RAP1GAP2: variants seen among roughly 807,000 people sequenced by gnomAD.
RAP1GAP2 encodes the protein RAP1 GTPase activating protein 2, also known as rap1 GTPase-activating protein 2.
RAP1GAP2 carries 27 observed loss-of-function variants against 95.0 expected under a neutral mutation model. The ratio of observed to expected loss-of-function variants is 0.28; its 90% CI spans 0.21 to 0.39. The LOEUF (loss-of-function observed/expected upper bound fraction) is 0.39. Among genes scored for constraint, RAP1GAP2 ranks in the 10% least tolerant of loss-of-function variants. The pLI, the probability that RAP1GAP2 is intolerant of heterozygous loss-of-function variation, is 1.00. For synonymous variants in RAP1GAP2, 373 were observed against 380.9 expected (o/e 0.98, Z 0.24); for missense variants, 771 against 970.0 (o/e 0.79, Z 2.72).
rs751685393 is a variant in RAP1GAP2, at chr17:2,957,793, A to G, written c.200A>G (p.Gln67Arg). 6.2e-7 allele frequency: 1 copy of G among 1,607,550 alleles called. No homozygotes were observed. Among genetic ancestry groups the G allele is most frequent in the South Asian group, 1.1e-5 (1 of 90,144 alleles). ...TTCTTTGAGATGCTGGAGAAAATGC[A>G]GGTGAGTACGTACCCCCACCGTGGC... Reference protein sequence around the residue: ...SEFFEMLEKMQGIKLEEQKPG... With the variant: ...SEFFEMLEKMRGIKLEEQKPG... The change falls in exon 4 of 25, where the codon CAG becomes CGG. Residue 67 changes from glutamine (Q) to arginine (R), a missense_variant and splice_region_variant. Physicochemically the swap from Gln to Arg is conservative, Grantham distance 43. Coordinates refer to ENST00000254695, the MANE Select transcript of RAP1GAP2 (RefSeq NM_015085.5).
chr17:2,761,990 T>TC (rs997618132), intron 1 of RAP1GAP2, among the ~76,000 whole-genome samples: 8 of 136,374 alleles, frequency 5.9e-5, no homozygotes, highest in Non-Finnish European at 1.3e-4. Flanking sequence ...TTTTTTTTTT[T>TC]TTTTTTTTTT....
At chr17:2,874,545 T>C (rs1050891216) in intron 2 of RAP1GAP2, among the ~76,000 whole-genome samples, 2 of 151,882 alleles carry the variant, frequency 1.3e-5, no homozygotes, top group Non-Finnish European at 2.9e-5. Flanking sequence ...TGCATAAGAA[T>C]GACGTGGAGA....
chr17:2,957,537 T>G (rs2044162207), intron 3 of RAP1GAP2, among the ~76,000 whole-genome samples: 2 of 152,208 alleles, frequency 1.3e-5, no homozygotes. Flanking sequence ...CACCATTCAT[T>G]TGCCAGCCCA....
rs959471916 is a variant in RAP1GAP2, at chr17:3,005,229, G to C, written c.1201-140G>C. On this transcript the variant is annotated intron_variant, in intron 14 of 24. Coordinates refer to ENST00000254695, the MANE Select transcript of RAP1GAP2 (RefSeq NM_015085.5). This position sits in a 1 kb window ranked among gnomAD's most constrained non-coding sequence, Gnocchi z 5.2. ...GAACAGGGTCAGGGCCTGTGCTGGC[G>C]ATGCTCACAGGAGTATTTTGTTTGT... 1.2e-6 allele frequency: 1 copy of C among 864,840 alleles called. No individual in the cohort carries two copies. The highest frequency in any genetic ancestry group is 1.4e-5 in the South Asian group (1 of 72,548). The allele number at this position is 864,840 out of a possible 1,614,324, so 53.6% of individuals were successfully genotyped here.
chr17:2,859,937 T>G (rs1379515443), intron 2 of RAP1GAP2, among the ~76,000 whole-genome samples: 4 of 152,100 alleles, frequency 2.6e-5, no homozygotes, highest in Non-Finnish European at 5.9e-5. Flanking sequence ...TTGTTTGTTT[T>G]TTTTTTTTGG....
chr17:2,926,144 A>T (rs1014589566), intron 3 of RAP1GAP2, among the ~76,000 whole-genome samples: 2 of 150,600 alleles, frequency 1.3e-5, no homozygotes, highest in East Asian at 3.9e-4. Flanking sequence ...AAAAAAAAAA[A>T]GGAACCTGGT....
At chr17:2,862,052 G>T (rs764355050) in intron 2 of RAP1GAP2, among the ~76,000 whole-genome samples, 3 of 152,134 alleles carry the variant, frequency 2.0e-5, no homozygotes, top group Non-Finnish European at 4.4e-5. Flanking sequence ...AAGAGATTTT[G>T]TAGAGAATTG....
At chr17:2,969,740 G>A (rs1329125970) in intron 8 of RAP1GAP2, among the ~76,000 whole-genome samples, 2 of 151,782 alleles carry the variant, frequency 1.3e-5, no homozygotes, top group African/African-American at 4.8e-5. Flanking sequence ...CTGACCTCAG[G>A]TGATCTGCCC....
chr17:3,014,603 G>A (rs915727905), intron 17 of RAP1GAP2, among the ~76,000 whole-genome samples: 11 of 147,972 alleles, frequency 7.4e-5, no homozygotes, highest in Admixed American at 2.1e-4. Context: ...AGGCTGGAGT[G>A]CAGTGGTGCG....
intron 2 of RAP1GAP2, among the ~76,000 whole-genome samples, chr17:2,826,161 T>TC (rs2070550793): frequency 6.8e-6 from 1 of 148,046 alleles, no homozygotes; most frequent in South Asian, 2.2e-4. Flanking sequence ...TTTTTTTTTT[T>TC]TTTTTTTGTA....
intron 1 of RAP1GAP2, among the ~76,000 whole-genome samples, chr17:2,782,207 C>T (rs1458947397): frequency 1.3e-5 from 2 of 152,154 alleles, no homozygotes; most frequent in Non-Finnish European, 2.9e-5. Flanking sequence ...GTTGCTTCTC[C>T]CCCTCTGGCT....
At chr17:2,822,181 A>G (rs879527428) in intron 2 of RAP1GAP2, among the ~76,000 whole-genome samples, 4 of 152,052 alleles carry the variant, frequency 2.6e-5, no homozygotes, top group Admixed American at 6.6e-5. Context: ...TCTTGCATTC[A>G]CGCACACACA....
chr17:2,952,638 T>C (rs915785936), intron 3 of RAP1GAP2, among the ~76,000 whole-genome samples: 51 of 152,192 alleles, frequency 3.4e-4, no homozygotes, highest in African/African-American at 1.2e-3. Context: ...CAGCTATATG[T>C]TCCTGCCACA....
At chr17:3,007,035 C>A (rs2046365093) in intron 16 of RAP1GAP2, among the ~76,000 whole-genome samples, 1 of 151,974 alleles carries the variant, frequency 6.6e-6, no homozygotes, top group African/African-American at 2.4e-5. Flanking sequence ...GAACCTTCTG[C>A]CAGGAGGAAA....
In RAP1GAP2 at chr17:3,020,487, T is replaced by C. The variant is rs913762435; in HGVS notation, c.1643T>C (p.Val548Ala). 1.9e-6 allele frequency: 3 copies of C among 1,613,384 alleles called. No individual in the cohort carries two copies. The highest frequency in any genetic ancestry group is 2.7e-5 in the African/African-American group (2 of 74,888). ...VTKTTFSPPV[V>A]AATVKNQSRS... ...CAATTTCATCGACAGCCTCCAGTGGTGGCGGCAACGGTGAAGAACCAGTCA... is the reference window on the plus strand; with the variant it reads ...CAATTTCATCGACAGCCTCCAGTGGCGGCGGCAACGGTGAAGAACCAGTCA... Residue 548 changes from valine to alanine, a missense_variant, in exon 19 of 25, where the codon GTG becomes GCG. Physicochemically the swap from Val to Ala is moderately conservative, Grantham distance 64. Coordinates refer to ENST00000254695, the MANE Select transcript of RAP1GAP2 (RefSeq NM_015085.5).
rs145485236 is a variant in RAP1GAP2, at chr17:3,030,887, C to T, written c.2108-35C>T. 1.0e-3 allele frequency: 1,584 copies of T among 1,567,300 alleles called. 12 individuals carry two copies. The African/African-American group carries it at 0.018, about 18-fold the overall frequency. ...CACACAGCCCCAGTGGCCTCCACAG[C>T]TCCACCCTCCTTTCATGGCCGTTCT... On this transcript the variant is annotated intron_variant, in intron 22 of 24. Transcript: ENST00000254695.
chr17:2,893,457 C>T (rs2073784745), intron 2 of RAP1GAP2, among the ~76,000 whole-genome samples: 1 of 152,160 alleles, frequency 6.6e-6, no homozygotes, highest in Non-Finnish European at 1.5e-5. Flanking sequence ...ATTTATATCT[C>T]CTAAAGGAAG....
intron 2 of RAP1GAP2, among the ~76,000 whole-genome samples, chr17:2,808,823 A>G (rs1167782914): frequency 6.6e-6 from 1 of 152,096 alleles, no homozygotes; most frequent in Non-Finnish European, 1.5e-5. Flanking sequence ...GTGTGCAGAT[A>G]CGTGTAGGCG....
intron 5 of RAP1GAP2, chr17:2,962,939 TG>T: frequency 1.8e-6 from 1 of 564,902 alleles, no homozygotes; most frequent in Non-Finnish European, 3.1e-6. Flanking sequence ...AGGCTGGGGG[TG>T]GAGGCCTCGG....
Sources: allele counts gnomAD v4.1 joint callset (sites outside exome capture counted in the v4.1 genomes callset), GRCh38; gene constraint gnomAD v4.1.1; non-coding constraint Gnocchi (gnomAD v3.1); transcripts MANE v1.5; gene names NCBI Gene and HGNC (gene_info 2026-07-23, HGNC 2026-07-21).